Variants in PAPPA2 observed in about 807,000 individuals in gnomAD.
PAPPA2 encodes pappalysin 2, also known as pappalysin-2.
In PAPPA2, 86 loss-of-function variants were observed where a neutral mutation model predicts 176.4. That is an observed-to-expected ratio of 0.49 (90% CI 0.41 to 0.58). PAPPA2 has a LOEUF of 0.58. Among genes scored for constraint, PAPPA2 ranks in the 20% least tolerant of loss-of-function variants. The pLI is 0.00. For missense variants in PAPPA2, 2,073 were observed against 2,256.9 expected, an observed-to-expected ratio of 0.92 and a Z score of 1.65; for synonymous variants, 809 against 852.2, an observed-to-expected ratio of 0.95 and a Z score of 0.88.
At chr1:176,564,168 C>G (rs971343389) in intron 2 of PAPPA2, among the ~76,000 whole-genome samples, 1 of 152,182 alleles carries the variant, frequency 6.6e-6, no homozygotes, top group African/African-American at 2.4e-5. Context: ...TTCAATAGGT[C>G]TGGGGCAGCC....
At chr1:176,540,801 A>G (rs554280600) in intron 1 of PAPPA2, among the ~76,000 whole-genome samples, 110 of 152,296 alleles carry the variant, frequency 7.2e-4, no homozygotes, top group African/African-American at 2.3e-3. Context: ...ACCCCCCAGC[A>G]GAGTGCATGT....
chr1:176,776,770 C>T (rs940635591), intron 17 of PAPPA2, among the ~76,000 whole-genome samples: 2 of 151,814 alleles, frequency 1.3e-5, no homozygotes, highest in African/African-American at 4.8e-5. Context: ...GTATTTTGTA[C>T]ACAATACCCC....
At chr1:176,689,344 T>C (rs1169263225) in intron 4 of PAPPA2, among the ~76,000 whole-genome samples, 1 of 152,164 alleles carries the variant, frequency 6.6e-6, no homozygotes, top group African/African-American at 2.4e-5. Flanking sequence ...TTGGATGCAA[T>C]GAACTCTTCT....
chr1:176,487,572 A>G (rs1268625117), intron 1 of PAPPA2, among the ~76,000 whole-genome samples: 1 of 152,180 alleles, frequency 6.6e-6, no homozygotes, highest in Non-Finnish European at 1.5e-5. Flanking sequence ...TGGAATAAAC[A>G]TGGCCTGTTC....
At chr1:176,737,773 A>G (rs928895474) in intron 12 of PAPPA2, among the ~76,000 whole-genome samples, 4 of 152,216 alleles carry the variant, frequency 2.6e-5, no homozygotes, top group Admixed American at 2.0e-4. Flanking sequence ...TAGGAGATGA[A>G]AAATAGGTTG....
intron 3 of PAPPA2, among the ~76,000 whole-genome samples, chr1:176,635,584 T>C (rs979929074): frequency 1.3e-5 from 2 of 152,170 alleles, no homozygotes; most frequent in Non-Finnish European, 2.9e-5. Flanking sequence ...CCACTCACTT[T>C]CTGTTTTTCT....
chr1:176,626,427 T>C (rs757631810), intron 3 of PAPPA2, among the ~76,000 whole-genome samples: 4 of 152,242 alleles, frequency 2.6e-5, no homozygotes, highest in Non-Finnish European at 5.9e-5. Flanking sequence ...TAAACATCTC[T>C]GTTGCTTAGA....
chr1:176,610,165 T>G (rs921541573), intron 3 of PAPPA2, among the ~76,000 whole-genome samples: 1 of 152,058 alleles, frequency 6.6e-6, no homozygotes, highest in Non-Finnish European at 1.5e-5. Flanking sequence ...TACTGTACTC[T>G]GCTTTCAGGA....
At chr1:176,494,189 T>C (rs140524516) in intron 1 of PAPPA2, among the ~76,000 whole-genome samples, 378 of 152,310 alleles carry the variant, frequency 2.5e-3, no homozygotes, top group African/African-American at 8.7e-3. Context: ...GAGTGGAGTC[T>C]GTTCAGCACC....
At chr1:176,658,022 GTTTCT>G in intron 3 of PAPPA2, among the ~76,000 whole-genome samples, 1 of 152,122 alleles carries the variant, frequency 6.6e-6, no homozygotes, top group Non-Finnish European at 1.5e-5. Context: ...GATGTGCTAA[GTTTCT>G]ATCATGCTGA....
At chr1:176,580,397 ATCTAT>A (rs1652894865) in intron 2 of PAPPA2, among the ~76,000 whole-genome samples, 1 of 151,822 alleles carries the variant, frequency 6.6e-6, no homozygotes, top group Non-Finnish European at 1.5e-5. Context: ...CATCTTCTTT[ATCTAT>A]TCATCCGTTG....
intron 3 of PAPPA2, among the ~76,000 whole-genome samples, chr1:176,628,183 C>G (rs1573154736): frequency 6.6e-6 from 1 of 151,424 alleles, no homozygotes; most frequent in Non-Finnish European, 1.5e-5. Context: ...GGGATTTTGC[C>G]AAGGGAGTAC....
chr1:176,752,203 G>A (rs1663209422), intron 14 of PAPPA2, among the ~76,000 whole-genome samples: 1 of 128,822 alleles, frequency 7.8e-6, no homozygotes, highest in African/African-American at 3.0e-5. Flanking sequence ...GGGGTCGGGG[G>A]AGGGGGGAGG....
intron 1 of PAPPA2, among the ~76,000 whole-genome samples, chr1:176,486,571 G>A (rs1558396810): frequency 6.6e-6 from 1 of 152,244 alleles, no homozygotes; most frequent in African/African-American, 2.4e-5. Flanking sequence ...CACAAAGAAA[G>A]TGGCATTTGA....
chr1:176,759,752 G>A (rs1663604541), intron 14 of PAPPA2, among the ~76,000 whole-genome samples: 1 of 152,124 alleles, frequency 6.6e-6, no homozygotes, highest in Non-Finnish European at 1.5e-5. Context: ...CATTCTCTGG[G>A]GGACAGTTCA....
At chr1:176,546,828 T>A (rs528397358) in intron 1 of PAPPA2, among the ~76,000 whole-genome samples, 10 of 152,352 alleles carry the variant, frequency 6.6e-5, no homozygotes, top group African/African-American at 2.4e-4. Flanking sequence ...TAATTACTTT[T>A]GGAAAAATGC....
chr1:176,801,783 G>A (rs1312567921), intron 21 of PAPPA2, among the ~76,000 whole-genome samples: 11 of 152,144 alleles, frequency 7.2e-5, no homozygotes, highest in Admixed American at 7.2e-4. Context: ...GTGGATGACA[G>A]GGCTTGGAGC....
At chr1:176,618,848 C>A (rs2102688513) in intron 3 of PAPPA2, among the ~76,000 whole-genome samples, 1 of 152,152 alleles carries the variant, frequency 6.6e-6, no homozygotes, top group East Asian at 1.9e-4. Context: ...GTAATCCAGA[C>A]TGGGAAGTGG....
intron 1 of PAPPA2, among the ~76,000 whole-genome samples, chr1:176,547,522 A>C (rs114698027): frequency 3.9e-5 from 6 of 152,206 alleles, no homozygotes; most frequent in Non-Finnish European, 8.8e-5. Context: ...TACTTTGGCC[A>C]ATAGAAAACA....
Sources: allele counts gnomAD v4.1 joint callset (sites outside exome capture counted in the v4.1 genomes callset), GRCh38; gene constraint gnomAD v4.1.1; transcripts MANE v1.5; gene names NCBI Gene and HGNC (gene_info 2026-07-23, HGNC 2026-07-21).